RGS7BP: variants seen among roughly 807,000 people sequenced by gnomAD.
RGS7BP encodes regulator of G protein signaling 7 binding protein.
Under a neutral mutation model 31.3 loss-of-function variants are expected in RGS7BP, and 9 were observed. That is an observed-to-expected ratio of 0.29 (90% CI 0.17 to 0.50). RGS7BP has a LOEUF of 0.50. Among genes scored for constraint, RGS7BP ranks in the 20% least tolerant of loss-of-function variants. The probability of loss-of-function intolerance (pLI) is 0.98; values close to 1 mark genes in which losing one functional copy is unlikely to be tolerated. For synonymous variants in RGS7BP, 115 were observed against 120.1 expected (o/e 0.96, Z 0.28); for missense variants, 274 against 322.0 (o/e 0.85, Z 1.14).
intron 2 of RGS7BP, among the ~76,000 whole-genome samples, chr5:64,539,079 G>A (rs895698820): frequency 6.6e-6 from 1 of 152,132 alleles, no homozygotes; most frequent in African/African-American, 2.4e-5. Flanking sequence ...CATTTTAAAA[G>A]TGTAGAGAGA....
chr5:64,552,711 A>G (rs1741824590), intron 2 of RGS7BP, among the ~76,000 whole-genome samples: 2 of 152,080 alleles, frequency 1.3e-5, no homozygotes, highest in Admixed American at 6.6e-5. Flanking sequence ...CATGGTGTCT[A>G]TTGACTATTT....
intron 2 of RGS7BP, among the ~76,000 whole-genome samples, chr5:64,565,843 T>C (rs1279292643): frequency 6.6e-6 from 1 of 152,174 alleles, no homozygotes; most frequent in Non-Finnish European, 1.5e-5. Context: ...ATGGGCCTTT[T>C]TGTAGAAAAT....
intron 2 of RGS7BP, among the ~76,000 whole-genome samples, chr5:64,543,343 G>A (rs1036762501): frequency 2.0e-5 from 3 of 152,172 alleles, no homozygotes; most frequent in African/African-American, 7.2e-5. Context: ...ATGCTGAATC[G>A]GCTTAGGCCA....
intron 2 of RGS7BP, among the ~76,000 whole-genome samples, chr5:64,562,526 A>G (rs183211882): frequency 2.0e-5 from 3 of 152,222 alleles, no homozygotes; most frequent in African/African-American, 7.2e-5. Flanking sequence ...CTGACTCTGG[A>G]GCATTTATGC....
At chr5:64,510,908 T>C (rs958755129) in intron 2 of RGS7BP, among the ~76,000 whole-genome samples, 2 of 152,178 alleles carry the variant, frequency 1.3e-5, no homozygotes, top group African/African-American at 4.8e-5. Flanking sequence ...TTGCTCTGTG[T>C]AGGAATACAA....
chr5:64,589,936 A>T (rs1046023762), intron 3 of RGS7BP, among the ~76,000 whole-genome samples: 1 of 151,918 alleles, frequency 6.6e-6, no homozygotes, highest in Non-Finnish European at 1.5e-5. Context: ...AAAAAAAAAA[A>T]AAAAGACACA....
At chr5:64,545,063 C>A (rs1047228254) in intron 2 of RGS7BP, among the ~76,000 whole-genome samples, 4 of 152,076 alleles carry the variant, frequency 2.6e-5, no homozygotes, top group East Asian at 1.9e-4. Context: ...GTAGTCCCAG[C>A]TACTCAGGAG....
At chr5:64,598,927 G>A (rs1200279609) in intron 5 of RGS7BP, among the ~76,000 whole-genome samples, 1 of 152,178 alleles carries the variant, frequency 6.6e-6, no homozygotes, top group Admixed American at 6.5e-5. Flanking sequence ...CTGGCGCACA[G>A]AAAGGTTAGC....
intron 3 of RGS7BP, among the ~76,000 whole-genome samples, chr5:64,589,288 T>C (rs1272263618): frequency 6.6e-6 from 1 of 150,668 alleles, no homozygotes; most frequent in Non-Finnish European, 1.5e-5. Flanking sequence ...AGAGACAGAC[T>C]CTGTCTCAAA....
intron 5 of RGS7BP, among the ~76,000 whole-genome samples, chr5:64,599,438 C>T (rs914043595): frequency 6.6e-6 from 1 of 152,138 alleles, no homozygotes; most frequent in Admixed American, 6.5e-5. Context: ...GCTGGAGGCT[C>T]CTCTTGGCTC....
At position 64,596,223 on chromosome 5, in the gene RGS7BP, C is replaced by T. The variant is rs571264887; in HGVS notation, c.611+1366C>T. 2.0e-5 allele frequency among the ~76,000 whole-genome samples: 3 copies of T among 152,282 alleles called. No individual in the cohort carries two copies. The South Asian group carries it at 6.2e-4, about 32-fold the overall frequency. On this transcript the variant is annotated intron_variant, in intron 4 of 5. Coordinates refer to ENST00000334025, the MANE Select transcript of RGS7BP (RefSeq NM_001029875.3). ...CCACAACGTTGGCAATGTTTCAGTT[C>T]AGCCTGAAAGCCCAGATTCTGGTCA...
At chr5:64,534,426 A>C (rs995142796) in intron 2 of RGS7BP, among the ~76,000 whole-genome samples, 1 of 152,238 alleles carries the variant, frequency 6.6e-6, no homozygotes, top group Non-Finnish European at 1.5e-5. Context: ...AAGACTGTAC[A>C]GGGCAATAGA....
At chr5:64,575,421 G>A (rs1742393321) in intron 2 of RGS7BP, among the ~76,000 whole-genome samples, 1 of 152,150 alleles carries the variant, frequency 6.6e-6, no homozygotes. Flanking sequence ...CTAAAAACAA[G>A]GGTTTTTAAT....
chr5:64,517,282 A>G (rs1436150012), intron 2 of RGS7BP, among the ~76,000 whole-genome samples: 1 of 152,226 alleles, frequency 6.6e-6, no homozygotes, highest in Non-Finnish European at 1.5e-5. Context: ...GAACTGTATC[A>G]TATGGTCACA....
Position 64,549,701 on chromosome 5 carries a change from C to T in RGS7BP, c.333-26073C>T, listed in dbSNP as rs192788722. ...GCTTCTGCTCATATAATCCCATAAG[C>T]TCTTTATCAAGTGATGGTCCAGCCA... On this transcript the variant is annotated intron_variant, in intron 2 of 5. Transcript: ENST00000334025. Among the ~76,000 whole-genome samples, 343 of 152,314 alleles carry T rather than the reference C, an allele frequency of 2.3e-3. 5 individuals carry two copies. The highest frequency in any genetic ancestry group is 7.2e-3 in the African/African-American group (301 of 41,566).
chr5:64,537,896 G>T (rs1419510514), intron 2 of RGS7BP, among the ~76,000 whole-genome samples: 1 of 152,180 alleles, frequency 6.6e-6, no homozygotes, highest in Admixed American at 6.5e-5. Flanking sequence ...CTAAAAATCT[G>T]CAGGCAGCCA....
intron 2 of RGS7BP, among the ~76,000 whole-genome samples, chr5:64,570,787 C>A (rs1029524883): frequency 6.6e-6 from 1 of 152,148 alleles, no homozygotes; most frequent in African/African-American, 2.4e-5. Context: ...CTACAATTAA[C>A]ATTTTACGAT....
chr5:64,510,200 G>C (rs1402279197), intron 2 of RGS7BP, among the ~76,000 whole-genome samples: 1 of 152,198 alleles, frequency 6.6e-6, no homozygotes, highest in Admixed American at 6.5e-5. Flanking sequence ...CCTTTCAGCT[G>C]AGGGAGGGAT....
intron 2 of RGS7BP, among the ~76,000 whole-genome samples, chr5:64,538,081 C>T: frequency 6.6e-6 from 1 of 152,092 alleles, no homozygotes; most frequent in Non-Finnish European, 1.5e-5. Flanking sequence ...AAGAAGTATG[C>T]ATTATTTTAC....
Sources: gnomAD v4.1 joint callset for allele counts (sites outside exome capture counted in the v4.1 genomes callset) on GRCh38, gnomAD v4.1.1 for gene constraint, MANE v1.5 for transcripts, NCBI Gene and HGNC (gene_info 2026-07-23, HGNC 2026-07-21) for gene names.